ABLIM1: variants seen among roughly 807,000 people sequenced by gnomAD.
The protein encoded by ABLIM1 is actin binding LIM protein 1.
Under a neutral mutation model 107.0 loss-of-function variants are expected in ABLIM1, and 40 were observed. That is an observed-to-expected ratio of 0.37 (90% CI 0.29 to 0.49). The LOEUF (loss-of-function observed/expected upper bound fraction) is 0.49. ABLIM1 is among the 20% of genes least tolerant of loss of function. The pLI is 0.97. For missense variants in ABLIM1, 857 were observed against 1,008.5 expected, an observed-to-expected ratio of 0.85 and a Z score of 2.04; for synonymous variants, 357 against 357.3, an observed-to-expected ratio of 1.00 and a Z score of 0.01.
At chr10:114,512,419 G>A (rs996304140) in intron 6 of ABLIM1, among the ~76,000 whole-genome samples, 1 of 152,162 alleles carries the variant, frequency 6.6e-6, no homozygotes, top group South Asian at 2.1e-4. Context: ...GACATTCATT[G>A]AGTGAAAGAT....
chr10:114,466,691 G>A (rs1321581752), intron 11 of ABLIM1, among the ~76,000 whole-genome samples: 2 of 152,116 alleles, frequency 1.3e-5, no homozygotes, highest in Non-Finnish European at 2.9e-5. Context: ...ACAAGTTGAT[G>A]GTTGCCATAA....
At position 114,552,080 on chromosome 10, in the gene ABLIM1, A is replaced by G. The variant is rs1245727608; in HGVS notation, c.674-4304T>C. ...AGCACCTCCTAGATAAGGGAATACC[A>G]GCCCACGTGAGAATCCTGACCCGAA... is the stretch of plus-strand genomic sequence containing the variant. On this transcript the variant is annotated intron_variant, in intron 4 of 22. Transcript: ENST00000533213. Among the ~76,000 whole-genome samples the G allele has an allele frequency of 7.2e-5, 11 of 152,274 alleles. No homozygotes were observed. In the East Asian group the frequency reaches 1.9e-3, roughly 27 times the overall value.
At chr10:114,461,064 T>C (rs1414998183) in intron 12 of ABLIM1, among the ~76,000 whole-genome samples, 1 of 151,752 alleles carries the variant, frequency 6.6e-6, no homozygotes, top group Non-Finnish European at 1.5e-5. Context: ...TTTGTTTTCT[T>C]TCTTTTGTTT....
chr10:114,624,157 CA>C (rs1382113772), intron 1 of ABLIM1, among the ~76,000 whole-genome samples: 2 of 152,188 alleles, frequency 1.3e-5, no homozygotes, highest in Non-Finnish European at 2.9e-5. Flanking sequence ...CAAACTCAAC[CA>C]CAATGGGAAG....
At chr10:114,720,252 T>A (rs2081808566) in intron 1 of ABLIM1, among the ~76,000 whole-genome samples, 1 of 152,214 alleles carries the variant, frequency 6.6e-6, no homozygotes, top group Non-Finnish European at 1.5e-5. Context: ...ATGTACCACA[T>A]TTTCTTTATC....
At chr10:114,539,978 C>T (rs1462394436) in intron 6 of ABLIM1, among the ~76,000 whole-genome samples, 2 of 152,222 alleles carry the variant, frequency 1.3e-5, no homozygotes, top group Non-Finnish European at 2.9e-5. Context: ...TGCCCCTGCA[C>T]TTCTTAATTA....
chr10:114,450,143 A>C, intron 14 of ABLIM1: 1 of 369,788 alleles, frequency 2.7e-6, no homozygotes, highest in South Asian at 2.3e-5. Flanking sequence ...GTACTTACGC[A>C]TTAGAATTGG....
chr10:114,571,495 A>G (rs529442566), intron 3 of ABLIM1, 89 bp from the exon 4 acceptor site: 171 of 1,298,786 alleles, frequency 1.3e-4, no homozygotes, highest in Non-Finnish European at 1.7e-4. Flanking sequence ...TCCGGTGCCC[A>G]TTTATTTCTT....
chr10:114,614,482 C>T (rs914228884), intron 1 of ABLIM1, among the ~76,000 whole-genome samples: 1 of 152,098 alleles, frequency 6.6e-6, no homozygotes, highest in Non-Finnish European at 1.5e-5. Context: ...AACACATCCC[C>T]ACCCCAGCAA....
At chr10:114,478,303 T>C (rs2056799060) in intron 8 of ABLIM1, among the ~76,000 whole-genome samples, 1 of 152,210 alleles carries the variant, frequency 6.6e-6, no homozygotes, top group African/African-American at 2.4e-5. Flanking sequence ...GTCATCAAAT[T>C]TGCTGATGTT....
intron 12 of ABLIM1, among the ~76,000 whole-genome samples, chr10:114,461,211 C>T (rs536287914): frequency 6.6e-6 from 1 of 151,782 alleles, no homozygotes; most frequent in South Asian, 2.1e-4. Flanking sequence ...TTCAGGCACG[C>T]ACCACCATGC....
At chr10:114,481,911 G>T (rs1191687695) in intron 8 of ABLIM1, among the ~76,000 whole-genome samples, 1 of 152,154 alleles carries the variant, frequency 6.6e-6, no homozygotes, top group African/African-American at 2.4e-5. Context: ...CCTCAAATTA[G>T]CTCCTTTAAA....
At chr10:114,465,906 C>T in intron 11 of ABLIM1, 79 bp from the exon 12 acceptor site, 1 of 1,478,846 alleles carries the variant, frequency 6.8e-7, no homozygotes, top group Non-Finnish European at 9.3e-7. Flanking sequence ...GCCAAGGAAC[C>T]ATCATGTCTA....
chr10:114,597,788 A>G (rs944173470), intron 2 of ABLIM1, among the ~76,000 whole-genome samples: 2 of 152,046 alleles, frequency 1.3e-5, no homozygotes, highest in Admixed American at 1.3e-4. Context: ...ATGTAAGAGG[A>G]GAGAGAGGAA....
At chr10:114,656,148 T>C (rs2079504300) in intron 1 of ABLIM1, among the ~76,000 whole-genome samples, 1 of 150,586 alleles carries the variant, frequency 6.6e-6, no homozygotes, top group Admixed American at 6.7e-5. Context: ...CACATGCCGG[T>C]AATCCAAACT....
chr10:114,459,046 T>A (rs1214464937), intron 12 of ABLIM1, among the ~76,000 whole-genome samples: 14 of 152,234 alleles, frequency 9.2e-5, no homozygotes, highest in Admixed American at 9.2e-4. Flanking sequence ...GCCGTGCATC[T>A]CAGCTTTACA....
chr10:114,499,574 T>A (rs75294748), intron 6 of ABLIM1, among the ~76,000 whole-genome samples: 2,687 of 152,250 alleles, frequency 0.018, 41 homozygotes, highest in East Asian at 0.059. Flanking sequence ...AGAAGCCTTT[T>A]AAAAATGGGT....
intron 4 of ABLIM1, among the ~76,000 whole-genome samples, chr10:114,554,232 AC>A (rs1332992756): frequency 1.7e-4 from 26 of 152,296 alleles, no homozygotes; most frequent in Admixed American, 5.9e-4. Flanking sequence ...CCCCAAAGGA[AC>A]CCTGAAGGAC....
chr10:114,769,319 G>T (rs1333648271), upstream of ABLIM1, among the ~76,000 whole-genome samples: 1 of 149,966 alleles, frequency 6.7e-6, no homozygotes, highest in Admixed American at 6.7e-5. Context: ...CTCCAGCCTG[G>T]GTGACAGAGC....
Sources: gnomAD v4.1 joint callset for allele counts (sites outside exome capture counted in the v4.1 genomes callset) on GRCh38, gnomAD v4.1.1 for gene constraint, MANE v1.5 for transcripts, NCBI Gene and HGNC (gene_info 2026-07-23, HGNC 2026-07-21) for gene names.